The following NXN variants were observed in gnomAD, a reference collection of about 807,000 sequenced individuals.
The protein encoded by NXN is nucleoredoxin, also known as nucleoredoxin 1.
A neutral mutation model predicts 48.6 loss-of-function variants in NXN; 16 were observed. That is an observed-to-expected ratio of 0.33 (90% CI 0.22 to 0.50). The LOEUF (loss-of-function observed/expected upper bound fraction) is 0.50, where lower values mean the gene tolerates loss of function less well. Among genes scored for constraint, NXN ranks in the 20% least tolerant of loss-of-function variants. NXN has a pLI of 0.98. For missense variants in NXN, 492 were observed against 605.5 expected, an observed-to-expected ratio of 0.81 and a Z score of 1.97; for synonymous variants, 281 against 269.6, an observed-to-expected ratio of 1.04 and a Z score of -0.41.
At chr17:951,631 T>C (rs1216845662) in intron 1 of NXN, among the ~76,000 whole-genome samples, 1 of 151,728 alleles carries the variant, frequency 6.6e-6, no homozygotes, top group Non-Finnish European at 1.5e-5. Flanking sequence ...ATCCAGGCGC[T>C]CTCTGGCAGA....
intron 1 of NXN, among the ~76,000 whole-genome samples, chr17:890,284 A>C (rs1348030929): frequency 6.6e-6 from 1 of 152,192 alleles, no homozygotes; most frequent in Non-Finnish European, 1.5e-5. Context: ...AAGTTTGAAT[A>C]AAATTTGTTT....
Position 834,051 on chromosome 17 carries a change from G to C in NXN, c.361-7973C>G, listed in dbSNP as rs1194708395. 5.9e-5 allele frequency among the ~76,000 whole-genome samples: 9 copies of C among 152,330 alleles called. No individual in the cohort carries two copies. The East Asian group carries it at 1.2e-3, about 20-fold the overall frequency. On this transcript the variant is annotated intron_variant, in intron 1 of 7. Coordinates refer to ENST00000336868, the MANE Select transcript of NXN (RefSeq NM_022463.5). ...AGCATTTCTCAGGGCCAGGTGCGGTGGCTCACGCCTGGAATCCCAGCACTC... is the reference window on the plus strand; with the variant it reads ...AGCATTTCTCAGGGCCAGGTGCGGTCGCTCACGCCTGGAATCCCAGCACTC...
rs1912864928 is a variant in NXN at position 822,377 on chromosome 17, G to A, written c.693C>T (p.Ile231=). The A allele has an allele frequency of 2.5e-6, 4 of 1,613,976 alleles. No homozygotes were observed. Among genetic ancestry groups the A allele is most frequent in the East Asian group, 2.2e-5 (1 of 44,878 alleles). ...KIKEAGQNFE[I]IFVSADRSEE... ...CTGACCTGTCTGCACTAACGAAGAT[G>A]ATCTCGAAGTTCTGGCCTGCCTCCT... is the stretch of plus-strand genomic sequence containing the variant. The change falls in exon 4 of 8, where the codon ATC becomes ATT. Residue 231 remains isoleucine (I), a synonymous_variant. Coordinates refer to ENST00000336868, the MANE Select transcript of NXN (RefSeq NM_022463.5).
chr17:945,715 T>C (rs1028001900), intron 1 of NXN, among the ~76,000 whole-genome samples: 5 of 152,026 alleles, frequency 3.3e-5, no homozygotes, highest in Admixed American at 6.6e-5. Flanking sequence ...TGTATGATTG[T>C]TTTCATATCT....
At chr17:900,734 C>T (rs957098192) in intron 1 of NXN, among the ~76,000 whole-genome samples, 2 of 151,654 alleles carry the variant, frequency 1.3e-5, no homozygotes, top group African/African-American at 4.8e-5. Context: ...ACAGAGAAGA[C>T]GGCCAAAAAA....
chr17:965,332 C>T (rs896763489), intron 1 of NXN, among the ~76,000 whole-genome samples: 4 of 152,182 alleles, frequency 2.6e-5, no homozygotes, highest in African/African-American at 9.7e-5. Context: ...TCGACATCAA[C>T]CCTTCAACAG....
At chr17:924,186 G>A (rs1597245943) in intron 1 of NXN, among the ~76,000 whole-genome samples, 1 of 152,130 alleles carries the variant, frequency 6.6e-6, no homozygotes, top group Admixed American at 6.6e-5. Flanking sequence ...GGGACCACAG[G>A]TGTGTATCAC....
rs373764586 is a variant in NXN at position 939,411 on chromosome 17, T to C, written c.360+39908A>G. On this transcript the variant is annotated intron_variant, in intron 1 of 7. Coordinates refer to ENST00000336868, the MANE Select transcript of NXN (RefSeq NM_022463.5). ...CCCAGGCTGGAGTGCAGTGGCACCA[T>C]CTTGGCTCACTGCAATCTCTGCCTC... Among the ~76,000 whole-genome samples the C allele has an allele frequency of 6.1e-5, 9 of 148,612 alleles. No homozygotes were observed. In the East Asian group the frequency reaches 8.4e-4, roughly 14 times the overall value.
chr17:837,848 T>C (rs2144693867), intron 1 of NXN, among the ~76,000 whole-genome samples: 1 of 152,326 alleles, frequency 6.6e-6, no homozygotes, highest in East Asian at 1.9e-4. Flanking sequence ...CAAACCCTCC[T>C]GGTGGCTCTG....
chr17:912,257 C>T (rs1199796640), intron 1 of NXN, among the ~76,000 whole-genome samples: 1 of 152,000 alleles, frequency 6.6e-6, no homozygotes, highest in Non-Finnish European at 1.5e-5. Flanking sequence ...ATTTTTTAAT[C>T]CACATTCGGT....
At chr17:819,395 C>T in intron 5 of NXN, 44 bp downstream of exon 5, 1 of 1,394,888 alleles carries the variant, frequency 7.2e-7, no homozygotes, top group Non-Finnish European at 1.0e-6. Context: ...CTCAGGTGAG[C>T]AGGTTTCCAG....
chr17:904,285 C>CCGGACGA (rs1827393620), intron 1 of NXN, among the ~76,000 whole-genome samples: 2 of 148,664 alleles, frequency 1.3e-5, no homozygotes, highest in Non-Finnish European at 2.9e-5. Context: ...TGCGGGCTGC[C>CCGGACGA]CGGACGTCGG....
chr17:944,488 G>A (rs1046062231), intron 1 of NXN, among the ~76,000 whole-genome samples: 3 of 152,236 alleles, frequency 2.0e-5, no homozygotes, highest in Non-Finnish European at 2.9e-5. Flanking sequence ...TGTTCACCAA[G>A]CGTGGGGCTC....
chr17:827,654 T>C (rs1215308627), intron 1 of NXN, among the ~76,000 whole-genome samples: 2 of 152,194 alleles, frequency 1.3e-5, no homozygotes, highest in African/African-American at 4.8e-5. Context: ...AAATGCATTG[T>C]TGGGCTGTGT....
chr17:952,998 T>C (rs1389759826), intron 1 of NXN, among the ~76,000 whole-genome samples: 2 of 152,116 alleles, frequency 1.3e-5, no homozygotes, highest in Non-Finnish European at 2.9e-5. Context: ...AGAGGGGTCC[T>C]AGGCTACCCC....
chr17:847,539 G>T (rs138602165), intron 1 of NXN, among the ~76,000 whole-genome samples: 1 of 152,144 alleles, frequency 6.6e-6, no homozygotes, highest in African/African-American at 2.4e-5. Flanking sequence ...CAAGCCAGGC[G>T]TGTCCACAGC....
chr17:943,650 C>T (rs1478540739), intron 1 of NXN, among the ~76,000 whole-genome samples: 2 of 151,658 alleles, frequency 1.3e-5, no homozygotes, highest in Non-Finnish European at 1.5e-5. Context: ...GGTGAAACCC[C>T]GTCTGTACTA....
chr17:979,237 G>A (rs1462072921), intron 1 of NXN, 82 bp downstream of exon 1: 3 of 1,024,684 alleles, frequency 2.9e-6, no homozygotes, highest in African/African-American at 2.2e-5. Flanking sequence ...TTGGCGGAGG[G>A]CAGGGGTAAC....
At chr17:968,492 G>C (rs920205398) in intron 1 of NXN, among the ~76,000 whole-genome samples, 7 of 152,116 alleles carry the variant, frequency 4.6e-5, no homozygotes, top group African/African-American at 1.7e-4. Flanking sequence ...AGGACTGCCT[G>C]GGCCCAGGTC....
Sources: gnomAD v4.1 joint callset for allele counts (sites outside exome capture counted in the v4.1 genomes callset) on GRCh38, gnomAD v4.1.1 for gene constraint, MANE v1.5 for transcripts, NCBI Gene and HGNC (gene_info 2026-07-23, HGNC 2026-07-21) for gene names.